GPC6: variants seen among roughly 807,000 people sequenced by gnomAD.
The protein encoded by GPC6 is glypican 6.
Under a neutral mutation model 55.2 loss-of-function variants are expected in GPC6, and 14 were observed. That is an observed-to-expected ratio of 0.25 (90% confidence interval 0.17 to 0.40). GPC6 has a LOEUF of 0.40. Among genes scored for constraint, GPC6 ranks in the 10% least tolerant of loss-of-function variants. The pLI, the probability that GPC6 is intolerant of heterozygous loss-of-function variation, is 1.00. For missense variants in GPC6, 641 were observed against 708.5 expected (o/e 0.90, Z 1.08); for synonymous variants, 278 against 259.6 (o/e 1.07, Z -0.68).
At chr13:93,896,692 C>CTTTTGAGTTGATT (rs1320606091) in intron 3 of GPC6, among the ~76,000 whole-genome samples, 3 of 151,964 alleles carry the variant, frequency 2.0e-5, no homozygotes, top group Admixed American at 2.0e-4. Flanking sequence ...CTCTTTTAAA[C>CTTTTGAGTTGATT]TTTTGAGTTG....
At chr13:93,596,436 G>A (rs1877731899) in intron 2 of GPC6, among the ~76,000 whole-genome samples, 1 of 151,902 alleles carries the variant, frequency 6.6e-6, no homozygotes, top group Admixed American at 6.6e-5. Context: ...TAGTATTTGG[G>A]TTGGTATCAT....
At chr13:93,500,654 A>C (rs144929096) in intron 1 of GPC6, among the ~76,000 whole-genome samples, 34 of 152,284 alleles carry the variant, frequency 2.2e-4, no homozygotes, top group Admixed American at 5.2e-4. Context: ...ATATTTTTTA[A>C]AGTTTTTAAA....
At position 93,626,947 on chromosome 13, in the gene GPC6, G is replaced by A. The variant is rs536417781; in HGVS notation, c.319+81526G>A. 5.3e-5 allele frequency among the ~76,000 whole-genome samples: 8 copies of A among 152,202 alleles called. No homozygotes were observed. In the South Asian group the frequency reaches 6.2e-4, roughly 12 times the overall value. ...CATGGTAGAAGGCAAAGGGGGAAGC[G>A]GGCATGTCTTACATGGCTGGATCAG... is the stretch of plus-strand genomic sequence containing the variant. On this transcript the variant is annotated intron_variant, in intron 2 of 8. Transcript: ENST00000377047.
At chr13:93,769,870 A>G (rs1445876671) in intron 2 of GPC6, among the ~76,000 whole-genome samples, 1 of 152,188 alleles carries the variant, frequency 6.6e-6, no homozygotes, top group African/African-American at 2.4e-5. Flanking sequence ...AAAATTGTTA[A>G]AGCAAAACAT....
intron 3 of GPC6, among the ~76,000 whole-genome samples, chr13:93,890,162 G>C (rs1360993406): frequency 1.3e-5 from 2 of 152,116 alleles, no homozygotes; most frequent in African/African-American, 4.8e-5. Context: ...AATATTTGCT[G>C]TGGTTCCTGA....
At chr13:93,546,235 G>A (rs1166705202) in intron 2 of GPC6, among the ~76,000 whole-genome samples, 1 of 152,084 alleles carries the variant, frequency 6.6e-6, no homozygotes, top group South Asian at 2.1e-4. Flanking sequence ...TGGCTCCGTT[G>A]GTCCTACAAC....
intron 6 of GPC6, among the ~76,000 whole-genome samples, chr13:94,369,738 ATCTC>A (rs75493758): frequency 6.0e-5 from 9 of 151,194 alleles, no homozygotes; most frequent in African/African-American, 1.9e-4. Flanking sequence ...ATCATCTGAG[ATCTC>A]TCTCTCTCTC....
At chr13:94,287,503 A>T (rs190044692) in intron 5 of GPC6, among the ~76,000 whole-genome samples, 142 of 152,270 alleles carry the variant, frequency 9.3e-4, no homozygotes, top group Non-Finnish European at 1.8e-3. Context: ...CATGATTCAA[A>T]CTAGGTTTGG....
chr13:94,103,882 G>T (rs188177521), intron 4 of GPC6, among the ~76,000 whole-genome samples: 21 of 152,262 alleles, frequency 1.4e-4, no homozygotes, highest in African/African-American at 4.8e-4. Context: ...AAGCTCTTTA[G>T]TTTAACTAGA....
intron 1 of GPC6, among the ~76,000 whole-genome samples, chr13:93,231,405 A>ACG (rs1876047085): frequency 2.8e-5 from 1 of 35,278 alleles, no homozygotes; most frequent in East Asian, 9.2e-4. Flanking sequence ...ATGTATATAT[A>ACG]TATATATATA....
chr13:93,912,594 T>C (rs1223999500), intron 3 of GPC6, among the ~76,000 whole-genome samples: 1 of 151,978 alleles, frequency 6.6e-6, no homozygotes, highest in African/African-American at 2.4e-5. Context: ...ATACAAAAAA[T>C]TAGCCTGGTG....
At chr13:94,119,957 G>C (rs553131626) in intron 4 of GPC6, among the ~76,000 whole-genome samples, 1 of 152,094 alleles carries the variant, frequency 6.6e-6, no homozygotes, top group Non-Finnish European at 1.5e-5. Context: ...CTTACATATA[G>C]ATAAAATAGA....
intron 1 of GPC6, among the ~76,000 whole-genome samples, chr13:93,230,884 T>C (rs1373317736): frequency 6.6e-6 from 1 of 152,134 alleles, no homozygotes; most frequent in Non-Finnish European, 1.5e-5. Context: ...GCCACTGTTT[T>C]ATGCCTTGAG....
chr13:93,409,803 G>A (rs955150949), intron 1 of GPC6, among the ~76,000 whole-genome samples: 1 of 152,170 alleles, frequency 6.6e-6, no homozygotes, highest in Non-Finnish European at 1.5e-5. Context: ...ATCAAAGGAG[G>A]ATAGATTTTC....
At chr13:93,557,626 C>T (rs560010078) in intron 2 of GPC6, among the ~76,000 whole-genome samples, 1 of 152,226 alleles carries the variant, frequency 6.6e-6, no homozygotes, top group Non-Finnish European at 1.5e-5. Flanking sequence ...AGAGAAGTAG[C>T]TTCTAAGAAT....
chr13:93,570,071 A>T (rs777143657), intron 2 of GPC6, among the ~76,000 whole-genome samples: 1 of 152,096 alleles, frequency 6.6e-6, no homozygotes. Context: ...TCCAATATCA[A>T]ATAACTGCCA....
At chr13:93,434,175 C>G (rs1877478128) in intron 1 of GPC6, among the ~76,000 whole-genome samples, 1 of 152,182 alleles carries the variant, frequency 6.6e-6, no homozygotes, top group African/African-American at 2.4e-5. Flanking sequence ...TCTGCCCATG[C>G]AACCGTTCTC....
Position 93,292,999 on chromosome 13 carries a change from AT to A in GPC6, c.160+65389del, listed in dbSNP as rs552081677. ...GTAGAAGTTCCTTTTTTTAATTTTT[AT>A]TTTTTGAGACAGGTTCTCATTCTGT... is the stretch of plus-strand genomic sequence containing the variant. On this transcript the variant is annotated intron_variant, in intron 1 of 8. Transcript: ENST00000377047. 6.6e-5 allele frequency among the ~76,000 whole-genome samples: 10 copies of A among 151,982 alleles called. No homozygotes were observed. The South Asian group carries it at 1.2e-3, about 19-fold the overall frequency.
At chr13:94,129,258 G>A (rs1886930549) in intron 4 of GPC6, among the ~76,000 whole-genome samples, 1 of 152,078 alleles carries the variant, frequency 6.6e-6, no homozygotes. Flanking sequence ...CAAACCATAA[G>A]CTGTGCTGGA....
Sources: gnomAD v4.1 joint callset for allele counts (sites outside exome capture counted in the v4.1 genomes callset) on GRCh38, gnomAD v4.1.1 for gene constraint, MANE v1.5 for transcripts, NCBI Gene and HGNC (gene_info 2026-07-23, HGNC 2026-07-21) for gene names.